The following CCSER1 variants were observed in gnomAD, a reference collection of about 807,000 sequenced individuals.
The protein encoded by CCSER1 is coiled-coil serine rich protein 1.
In CCSER1, 41 loss-of-function variants were observed where a neutral mutation model predicts 82.0. The ratio of observed to expected loss-of-function variants is 0.50; its 90% CI spans 0.39 to 0.65. The LOEUF is 0.65. CCSER1 is among the 30% of genes least tolerant of loss of function. The pLI, the probability that CCSER1 is intolerant of heterozygous loss-of-function variation, is 0.00. For synonymous variants in CCSER1, 414 were observed against 383.9 expected (o/e 1.08, Z -0.92); for missense variants, 1,119 against 1,064.2 (o/e 1.05, Z -0.72).
At chr4:90,718,919 C>T (rs1201466264) in intron 6 of CCSER1, among the ~76,000 whole-genome samples, 3 of 152,074 alleles carry the variant, frequency 2.0e-5, no homozygotes, top group Non-Finnish European at 2.9e-5. Context: ...CTTAAAAAAC[C>T]ATCATTGGTG....
intron 1 of CCSER1, among the ~76,000 whole-genome samples, chr4:90,142,434 A>G (rs2153338826): frequency 6.6e-6 from 1 of 152,336 alleles, no homozygotes; most frequent in South Asian, 2.1e-4. Context: ...ATTTTTCTGT[A>G]GTGGGAATTA....
intron 10 of CCSER1, among the ~76,000 whole-genome samples, chr4:91,490,924 AT>A (rs1560712506): frequency 3.0e-4 from 28 of 94,616 alleles, no homozygotes; most frequent in East Asian, 1.4e-3. Flanking sequence ...ATATATATAT[AT>A]ATAAAATATG....
At chr4:90,446,242 G>A (rs1760628633) in intron 4 of CCSER1, among the ~76,000 whole-genome samples, 1 of 152,102 alleles carries the variant, frequency 6.6e-6, no homozygotes, top group African/African-American at 2.4e-5. Flanking sequence ...TTTTTGGTTT[G>A]TAATTAACAT....
At chr4:90,477,220 C>G (rs1484652904) in intron 5 of CCSER1, among the ~76,000 whole-genome samples, 1 of 152,170 alleles carries the variant, frequency 6.6e-6, no homozygotes, top group African/African-American at 2.4e-5. Flanking sequence ...TATTGATTTT[C>G]TACTTTTCCC....
intron 10 of CCSER1, among the ~76,000 whole-genome samples, chr4:91,225,397 C>G (rs377360566): frequency 1.5e-5 from 2 of 134,458 alleles, no homozygotes; most frequent in South Asian, 4.5e-4. Flanking sequence ...TATATATATT[C>G]ATATATATTA....
intron 9 of CCSER1, among the ~76,000 whole-genome samples, chr4:91,081,168 T>G (rs946507100): frequency 2.0e-5 from 3 of 152,134 alleles, no homozygotes; most frequent in African/African-American, 7.2e-5. Context: ...AATAACATAC[T>G]GGAAAACCGA....
intron 5 of CCSER1, among the ~76,000 whole-genome samples, chr4:90,478,662 C>A (rs1171930884): frequency 6.6e-6 from 1 of 151,238 alleles, no homozygotes; most frequent in African/African-American, 2.4e-5. Flanking sequence ...ACAACAAAGG[C>A]ACATGGAGAT....
chr4:90,333,908 G>A (rs1318525074), intron 3 of CCSER1, among the ~76,000 whole-genome samples: 1 of 152,140 alleles, frequency 6.6e-6, no homozygotes. Context: ...ATCATCATTG[G>A]ATACAAATTT....
At chr4:91,095,607 T>G (rs1724430307) in intron 10 of CCSER1, among the ~76,000 whole-genome samples, 2 of 152,228 alleles carry the variant, frequency 1.3e-5, no homozygotes, top group African/African-American at 4.8e-5. Flanking sequence ...TAAGGCCATG[T>G]TAATCATATG....
chr4:91,278,620 T>G (rs1742660194), intron 10 of CCSER1, among the ~76,000 whole-genome samples: 1 of 152,164 alleles, frequency 6.6e-6, no homozygotes, highest in Admixed American at 6.5e-5. Context: ...TGTTTTGTTT[T>G]GTTTTGTTTT....
At chr4:90,280,405 T>C (rs1338145154) in intron 1 of CCSER1, among the ~76,000 whole-genome samples, 2 of 151,622 alleles carry the variant, frequency 1.3e-5, no homozygotes, top group Admixed American at 1.3e-4. Flanking sequence ...TGTTTTTTTC[T>C]TCTTCTTCTT....
In CCSER1 at chr4:91,412,310, C is replaced by T. The variant is rs577802568; in HGVS notation, c.2218-186262C>T. Reference sequence around the variant, plus strand: ...GCCTTGAGTGACAGATCCACCAACTCAGATCCAGCTGTGAGCCATGAAACA... The same window carrying T: ...GCCTTGAGTGACAGATCCACCAACTTAGATCCAGCTGTGAGCCATGAAACA... On this transcript the variant is annotated intron_variant, in intron 10 of 10. Coordinates refer to ENST00000509176, the MANE Select transcript of CCSER1 (RefSeq NM_001145065.2). Among the ~76,000 whole-genome samples the T allele has an allele frequency of 7.9e-5, 12 of 152,112 alleles. No homozygotes were observed. The South Asian group carries it at 2.5e-3, about 32-fold the overall frequency.
chr4:90,479,278 A>T (rs549012720), intron 5 of CCSER1, among the ~76,000 whole-genome samples: 29 of 152,250 alleles, frequency 1.9e-4, no homozygotes, highest in Non-Finnish European at 3.8e-4. Context: ...CTCTTCATTT[A>T]TGTGTATGTT....
At chr4:90,670,722 C>T (rs1490927075) in intron 6 of CCSER1, among the ~76,000 whole-genome samples, 2 of 151,952 alleles carry the variant, frequency 1.3e-5, no homozygotes, top group African/African-American at 4.8e-5. Context: ...AATTTAATTT[C>T]ACAATGTTCA....
At chr4:90,406,693 T>G (rs1753787212) in intron 4 of CCSER1, among the ~76,000 whole-genome samples, 1 of 152,026 alleles carries the variant, frequency 6.6e-6, no homozygotes, top group Non-Finnish European at 1.5e-5. Context: ...GGAAATCAAC[T>G]CCAAAAGGAA....
chr4:91,082,790 G>T (rs1020897793), intron 9 of CCSER1, among the ~76,000 whole-genome samples: 67 of 152,114 alleles, frequency 4.4e-4, no homozygotes, highest in African/African-American at 1.6e-3. Context: ...CATTTATGCA[G>T]CCAAAAGACA....
intron 9 of CCSER1, among the ~76,000 whole-genome samples, chr4:91,020,534 T>C (rs548010714): frequency 2.5e-4 from 38 of 151,900 alleles, no homozygotes; most frequent in East Asian, 5.8e-4. Context: ...TGGTGGCGGG[T>C]GCCTGTAGTC....
chr4:90,918,362 G>T (rs1727830638), intron 8 of CCSER1: 1 of 417,650 alleles, frequency 2.4e-6, no homozygotes, highest in Non-Finnish European at 4.7e-6. Context: ...AAATTGGACT[G>T]ATTTTTTGGG....
At chr4:91,128,709 G>C (rs1727727626) in intron 10 of CCSER1, among the ~76,000 whole-genome samples, 1 of 152,024 alleles carries the variant, frequency 6.6e-6, no homozygotes, top group African/African-American at 2.4e-5. Context: ...ACATAGAAGT[G>C]AAAGGGCCTG....
Sources: allele counts gnomAD v4.1 joint callset (sites outside exome capture counted in the v4.1 genomes callset), GRCh38; gene constraint gnomAD v4.1.1; transcripts MANE v1.5; gene names NCBI Gene and HGNC (gene_info 2026-07-23, HGNC 2026-07-21).